DST: variants seen among roughly 807,000 people sequenced by gnomAD.
DST encodes the protein dystonin.
In DST, 253 loss-of-function variants were observed where a neutral mutation model predicts 875.2. The ratio of observed to expected loss-of-function variants is 0.29; its 90% CI spans 0.26 to 0.32. DST has a LOEUF of 0.32. Ranked by LOEUF, DST falls within the 10% of genes least tolerant of loss-of-function variation. The pLI, the probability that DST is intolerant of heterozygous loss-of-function variation, is 1.00. For synonymous variants in DST, 3,124 were observed against 3,197.1 expected, an observed-to-expected ratio of 0.98 and a Z score of 0.77; for missense variants, 8,287 against 9,111.6, an observed-to-expected ratio of 0.91 and a Z score of 3.68.
Position 56,463,280 on chromosome 6 carries a change from A to G in DST, c.22960-124T>C, listed in dbSNP as rs2094427492. 7 of 640,230 alleles carry G rather than the reference A, an allele frequency of 1.1e-5. No homozygotes were observed. The East Asian group carries it at 2.0e-4, about 18-fold the overall frequency. The allele number at this position is 640,230 out of a possible 1,614,324, so 39.7% of individuals were successfully genotyped here. On this transcript the variant is annotated intron_variant, in intron 101 of 103. Coordinates refer to ENST00000680361, the MANE Select transcript of DST (RefSeq NM_001374736.1). ...AAGAATAATAATTTAAAATAAGTGA[A>G]AAGATCCAATGGCAAATCATACACA...
chr6:56,878,807 C>T (rs558082187), intron 3 of DST, among the ~76,000 whole-genome samples: 2 of 152,032 alleles, frequency 1.3e-5, no homozygotes, highest in Non-Finnish European at 2.9e-5. Flanking sequence ...GCCACTGCAG[C>T]CTGAATCTCT....
rs1325540334 is a variant in DST, at chr6:56,709,643, G to C, written c.688-5274C>G. Among the ~76,000 whole-genome samples the C allele has an allele frequency of 2.6e-5, 4 of 152,130 alleles. No homozygotes were observed. In the South Asian group the frequency reaches 8.3e-4, roughly 31 times the overall value. On this transcript the variant is annotated intron_variant, in intron 5 of 103. Transcript: ENST00000680361. ...CAATTCAGGTCACAAACTATTTATT[G>C]AGCATTCATCCGTCATATGCCAGGG...
chr6:56,949,778 ATAATAAACTATCACTTTCCCTAATCCAC>A (rs1271010915), intron 2 of DST, among the ~76,000 whole-genome samples: 1 of 152,238 alleles, frequency 6.6e-6, no homozygotes, highest in Non-Finnish European at 1.5e-5. Flanking sequence ...GGATTTCTCA[ATAATAAACTATCACTTTCCCTAATCCAC>A]TAAATTAGGT....
At chr6:56,593,545 TA>T (rs1344158508) in intron 48 of DST, 117 bp downstream of exon 48, 3 of 587,286 alleles carry the variant, frequency 5.1e-6, no homozygotes, top group Non-Finnish European at 7.7e-6. Flanking sequence ...AGAAGTAGGC[TA>T]AAGCTACCTT....
Position 56,459,128 on chromosome 6 carries a change from G to T in DST, c.23334C>A (p.Val7778=). Residue 7778 remains valine (V), a synonymous_variant, in exon 104 of 104, where the codon GTC becomes GTA. Transcript: ENST00000680361. ...GGGGTGTAGGTCTGTGTGTCTGGGG[G>T]ACAGTTTCCACATCTGAGCACACGG... The part of the protein sequence containing the change: ...IQSVCSDVET[V]PQTHRPTPRA... 1 of 1,613,368 alleles carries T rather than the reference G, an allele frequency of 6.2e-7. No homozygotes were observed. The highest frequency in any genetic ancestry group is 8.5e-7 in the Non-Finnish European group (1 of 1,179,692).
chr6:56,716,633 T>C (rs2099395553), intron 5 of DST, among the ~76,000 whole-genome samples: 1 of 152,170 alleles, frequency 6.6e-6, no homozygotes, highest in African/African-American at 2.4e-5. Flanking sequence ...TGAAAATTAC[T>C]TGAGTAAGAA....
In DST at chr6:56,831,536, C is replaced by T. The variant is rs574248613; in HGVS notation, c.625+19861G>A. On this transcript the variant is annotated intron_variant, in intron 4 of 103. Coordinates refer to ENST00000680361, the MANE Select transcript of DST (RefSeq NM_001374736.1). ...AAATGCCAGCCCTGCTTGTGAAACC[C>T]CTGGATGCTCGTATCACTCCTCTTG... Among the ~76,000 whole-genome samples the T allele has an allele frequency of 2.0e-3, 297 of 152,096 alleles. 2 individuals are homozygous for T. The highest frequency in any genetic ancestry group is 6.9e-3 in the African/African-American group (288 of 41,502).
At chr6:56,925,045 A>T (rs888948031) in intron 2 of DST, among the ~76,000 whole-genome samples, 2 of 152,226 alleles carry the variant, frequency 1.3e-5, no homozygotes, top group African/African-American at 4.8e-5. Context: ...TAGGAAAGAG[A>T]TGGGGAGGAG....
chr6:56,552,485 A>C lies in DST; in HGVS notation c.16307T>G (p.Met5436Arg), dbSNP rs571054057. The change falls in exon 61 of 104, where the codon ATG becomes AGG. Residue 5436 changes from methionine (M) to arginine (R), a missense_variant. Met to Arg is a moderately conservative substitution (Grantham distance 91). This residue lies in a region of DST where 777 missense variants were observed against 764.8 expected (regional missense o/e 1.02). Coordinates refer to ENST00000680361, the MANE Select transcript of DST (RefSeq NM_001374736.1). Reference protein sequence around the residue: ...KAFLKKLEALMASNDNANKTC... With the variant: ...KAFLKKLEALRASNDNANKTC... ...TTTATTGGCATTGTCATTGCTTGCC[A>C]TGAGGGCTTCTAGTTTCTTTAGAAA... 1 of 1,613,914 alleles carries C rather than the reference A, an allele frequency of 6.2e-7. No individual in the cohort carries two copies. Among genetic ancestry groups the C allele is most frequent in the South Asian group, 1.1e-5 (1 of 91,078 alleles).
chr6:56,830,853 T>G (rs1278094267), intron 4 of DST, among the ~76,000 whole-genome samples: 1 of 152,176 alleles, frequency 6.6e-6, no homozygotes, highest in Non-Finnish European at 1.5e-5. Flanking sequence ...ACCACATATA[T>G]TACCTATAGT....
chr6:56,482,201 AC>A (rs768484552), intron 89 of DST, 23 bp from the exon 90 acceptor site: 15 of 1,587,736 alleles, frequency 9.4e-6, no homozygotes, highest in South Asian at 1.1e-5. Context: ...ACACACACAC[AC>A]CCCAAACAAA....
Position 56,607,330 on chromosome 6 carries a change from G to A in DST, c.7298C>T (p.Pro2433Leu), listed in dbSNP as rs1192055463. 1 of 1,613,200 alleles carries A rather than the reference G, an allele frequency of 6.2e-7. No homozygotes were observed. The highest frequency in any genetic ancestry group is 8.5e-7 in the Non-Finnish European group (1 of 1,179,628). Residue 2433 changes from proline (P) to leucine (L), a missense_variant, in exon 40 of 104, where the codon CCC (proline) becomes CTC (leucine). Pro to Leu is a moderately conservative substitution (Grantham distance 98). Around this residue, in one of 10 missense-constraint regions of DST, gnomAD observed 3,138 missense variants for 3,116.6 expected, o/e 1.01. Transcript: ENST00000680361. The stretch of plus-strand genomic sequence containing the variant: ...ATGACTTAACAAGGCACTTAGCCTG[G>A]GGGAATAGTCAAAGATAGGTGAATC... ...NRDSPIFDYS[P>L]RLSALLSHDK...
At chr6:56,743,107 C>A (rs562660335) in intron 4 of DST, among the ~76,000 whole-genome samples, 4 of 152,226 alleles carry the variant, frequency 2.6e-5, no homozygotes, top group African/African-American at 9.6e-5. Flanking sequence ...TTTAGGAGCA[C>A]TTCACTTCTA....
At chr6:56,783,089 C>T (rs1171081503) in intron 4 of DST, among the ~76,000 whole-genome samples, 2 of 152,078 alleles carry the variant, frequency 1.3e-5, no homozygotes, top group South Asian at 2.1e-4. Context: ...GTCTGAGAGA[C>T]AGTTTGTTAT....
rs766575013 is a variant in DST at position 56,606,487 on chromosome 6, T to C, written c.8141A>G (p.Asp2714Gly). The C allele has an allele frequency of 8.1e-6, 13 of 1,613,436 alleles. No homozygotes were observed. The highest frequency in any genetic ancestry group is 1.1e-5 in the Non-Finnish European group (13 of 1,179,570). The stretch of plus-strand genomic sequence containing the variant: ...TTCCAGTGACTGTCCATTCACCTTA[T>C]CTGAGCCAACAGGATTTAAATGTAT... ...EKIHLNPVGS[D>G]KVNGQSLETG... Residue 2714 changes from aspartate (D) to glycine (G), a missense_variant, in exon 40 of 104, where the codon GAT becomes GGT. Asp to Gly is a moderately conservative substitution (Grantham distance 94). This residue lies in a region of DST where 3,138 missense variants were observed against 3,116.6 expected (regional missense o/e 1.01). Transcript: ENST00000680361.
At chr6:56,655,242 C>T (rs974215921) in intron 10 of DST, among the ~76,000 whole-genome samples, 1 of 150,236 alleles carries the variant, frequency 6.7e-6, no homozygotes, top group Admixed American at 6.6e-5. Context: ...CACCAATACA[C>T]TCAACTGCAA....
chr6:56,582,179 C>T (rs1309951719), intron 49 of DST, among the ~76,000 whole-genome samples: 1 of 152,116 alleles, frequency 6.6e-6, no homozygotes, highest in African/African-American at 2.4e-5. Context: ...CTAAAATATA[C>T]ATCTGACCAC....
chr6:56,620,776 A>G (rs2098683721), intron 36 of DST: 5 of 1,472,358 alleles, frequency 3.4e-6, no homozygotes, highest in South Asian at 2.3e-5. Flanking sequence ...ACAACGTATG[A>G]ATCAATGTTC....
At chr6:56,628,984 T>C (rs911575396) in intron 32 of DST, among the ~76,000 whole-genome samples, 6 of 152,216 alleles carry the variant, frequency 3.9e-5, no homozygotes, top group African/African-American at 1.4e-4. Flanking sequence ...GAGAACTACA[T>C]TGTTTTTTCC....
Sources: gnomAD v4.1 joint callset for allele counts (sites outside exome capture counted in the v4.1 genomes callset) on GRCh38, gnomAD v4.1.1 for gene constraint, gnomAD v4.1.1 regional missense constraint, MANE v1.5 for transcripts, NCBI Gene and HGNC (gene_info 2026-07-23, HGNC 2026-07-21) for gene names.